The following PIK3R6 variants were observed in gnomAD, a reference collection of about 807,000 sequenced individuals.
PIK3R6 encodes phosphoinositide-3-kinase regulatory subunit 6, also known as phosphoinositide 3-kinase regulatory subunit 6.
A neutral mutation model predicts 84.9 loss-of-function variants in PIK3R6; 91 were observed. The ratio of observed to expected loss-of-function variants is 1.07; its 90% CI spans 0.90 to 1.28. The LOEUF is 1.28. Ranked by LOEUF, PIK3R6 falls within the 50% of genes most tolerant of loss-of-function variation. PIK3R6 has a pLI of 0.00. For synonymous variants in PIK3R6, 416 were observed against 411.4 expected, an observed-to-expected ratio of 1.01 and a Z score of -0.13; for missense variants, 996 against 985.1, an observed-to-expected ratio of 1.01 and a Z score of -0.15.
At position 8,822,613 on chromosome 17, in the gene PIK3R6, C is replaced by A. The variant is rs774403746; in HGVS notation, c.1762G>T (p.Ala588Ser). 2.5e-6 allele frequency: 4 copies of A among 1,613,918 alleles called. No individual in the cohort carries two copies. The highest frequency in any genetic ancestry group is 2.2e-5 in the East Asian group (1 of 44,898). Reference protein sequence around the residue: ...RRRGVAEGPGAELSLCYQKAL... With the variant: ...RRRGVAEGPGSELSLCYQKAL... Reference sequence around the variant, plus strand: ...TTCTGGTAGCATAGGGAGAGCTCTGCCCCTGGGCCCTCAGCCACGCCTCTC... The same window carrying A: ...TTCTGGTAGCATAGGGAGAGCTCTGACCCTGGGCCCTCAGCCACGCCTCTC... The change falls in exon 16 of 20, where the codon GCA becomes TCA. Residue 588 changes from alanine to serine, a missense_variant. Physicochemically the swap from Ala to Ser is moderately conservative, Grantham distance 99. Transcript: ENST00000619866.
At chr17:8,823,813 C>T (rs1038622086) in intron 13 of PIK3R6, among the ~76,000 whole-genome samples, 1 of 152,138 alleles carries the variant, frequency 6.6e-6, no homozygotes, top group Non-Finnish European at 1.5e-5. Flanking sequence ...ATGAGAGACC[C>T]AGGAGTGGGT....
chr17:8,848,752 C>G (rs894622758), intron 2 of PIK3R6, among the ~76,000 whole-genome samples: 1 of 152,166 alleles, frequency 6.6e-6, no homozygotes, highest in Non-Finnish European at 1.5e-5. Context: ...TACAGATGAC[C>G]CAGAATATTG....
chr17:8,813,173 C>T (rs184660390), intron 18 of PIK3R6, among the ~76,000 whole-genome samples: 272 of 152,062 alleles, frequency 1.8e-3, no homozygotes, highest in African/African-American at 6.2e-3. Context: ...TATCTAGGAA[C>T]ATACAACTTC....
chr17:8,812,894 G>A (rs1172437850), intron 18 of PIK3R6, among the ~76,000 whole-genome samples: 2 of 151,904 alleles, frequency 1.3e-5, no homozygotes, highest in Non-Finnish European at 2.9e-5. Context: ...AAATAACAAA[G>A]ATCAGAGCAG....
At chr17:8,850,432 A>C in intron 1 of PIK3R6, among the ~76,000 whole-genome samples, 1 of 152,204 alleles carries the variant, frequency 6.6e-6, no homozygotes. Context: ...GGCAGGTTCT[A>C]TCTCTCCCCC....
Position 8,837,883 on chromosome 17 carries a change from G to C in PIK3R6, c.190-12C>G. The C allele has an allele frequency of 6.2e-7, 1 of 1,611,180 alleles. No homozygotes were observed. Among genetic ancestry groups the C allele is most frequent in the South Asian group, 1.1e-5 (1 of 91,038 alleles). On this transcript the variant is annotated splice_polypyrimidine_tract_variant and intron_variant, in intron 4 of 19. Coordinates refer to ENST00000619866, the MANE Select transcript of PIK3R6 (RefSeq NM_001010855.4). ...TCCTGGCTTTCCGCCTGGAAAACAG[G>C]AGATCACGTGACAGGTATTGGGCTG... is the stretch of plus-strand genomic sequence containing the variant.
At chr17:8,829,407 CACACAG>C (rs1397537675) in intron 10 of PIK3R6, among the ~76,000 whole-genome samples, 3 of 143,102 alleles carry the variant, frequency 2.1e-5, no homozygotes, top group Non-Finnish European at 4.5e-5. Context: ...TGCACACATA[CACACAG>C]ACACACTGAC....
At chr17:8,833,541 CTTTTT>C (rs3884448) in intron 8 of PIK3R6, among the ~76,000 whole-genome samples, 1 of 130,796 alleles carries the variant, frequency 7.6e-6, no homozygotes, top group Non-Finnish European at 1.6e-5. Context: ...GAGAAAGTGA[CTTTTT>C]TTTTTTTTTT....
At chr17:8,822,044 G>C in intron 16 of PIK3R6, 108 bp from the exon 17 acceptor site, 1 of 712,520 alleles carries the variant, frequency 1.4e-6, no homozygotes. Flanking sequence ...CACCCCTGCT[G>C]TGAGAGTCTT....
At chr17:8,838,691 G>A (rs748166906) in intron 3 of PIK3R6, 36 bp from the exon 4 acceptor site, 8 of 1,550,954 alleles carry the variant, frequency 5.2e-6, no homozygotes, top group Non-Finnish European at 5.2e-6. Flanking sequence ...GCATGAGCAG[G>A]TGGGCAGTTC....
rs1465453497 is a variant in PIK3R6 at position 8,844,941 on chromosome 17, A to G, written c.13+4841T>C. On this transcript the variant is annotated intron_variant, in intron 2 of 19. Transcript: ENST00000619866. This position sits in a 1 kb window ranked among gnomAD's most constrained non-coding sequence, Gnocchi z 4.5. The stretch of plus-strand genomic sequence containing the variant: ...ATGCAGTATTTGGCTTTCTGTTCCT[A>G]CATTAATTTGCTTAGTGTAATAGCT... 6.6e-6 allele frequency among the ~76,000 whole-genome samples: 1 copy of G among 152,074 alleles called. No individual in the cohort carries two copies. The highest frequency in any genetic ancestry group is 1.9e-4 in the East Asian group (1 of 5,184).
intron 17 of PIK3R6, among the ~76,000 whole-genome samples, chr17:8,820,298 G>A (rs1423652358): frequency 2.0e-5 from 3 of 151,968 alleles, no homozygotes; most frequent in Non-Finnish European, 4.4e-5. Context: ...CTAGAGTAGG[G>A]CTGGGAGTGG....
chr17:8,812,075 A>G (rs1298551110), intron 18 of PIK3R6, among the ~76,000 whole-genome samples: 2 of 152,256 alleles, frequency 1.3e-5, no homozygotes, highest in South Asian at 2.1e-4. Flanking sequence ...AGCAAGTCAC[A>G]TCTTAGATGG....
At chr17:8,805,871 T>C (rs1038170601) in intron 18 of PIK3R6, among the ~76,000 whole-genome samples, 1 of 151,206 alleles carries the variant, frequency 6.6e-6, no homozygotes, top group Non-Finnish European at 1.5e-5. Flanking sequence ...TGAGCTGAGA[T>C]TGCACCACTG....
At chr17:8,840,693 A>T (rs889886073) in intron 2 of PIK3R6, among the ~76,000 whole-genome samples, 11 of 148,602 alleles carry the variant, frequency 7.4e-5, no homozygotes, top group South Asian at 4.2e-4. Flanking sequence ...TATATATATA[A>T]AAAACTATTA....
intron 18 of PIK3R6, among the ~76,000 whole-genome samples, chr17:8,816,525 T>G (rs1345695256): frequency 6.6e-6 from 1 of 152,202 alleles, no homozygotes; most frequent in Admixed American, 6.5e-5. Flanking sequence ...AAGGCTATTT[T>G]AGGTTAAAAA....
chr17:8,859,790 C>T (rs2151316214), intron 1 of PIK3R6, among the ~76,000 whole-genome samples: 1 of 152,292 alleles, frequency 6.6e-6, no homozygotes, highest in East Asian at 1.9e-4. Flanking sequence ...CCTTTGGACT[C>T]AGACTGGAAT....
rs527371888 is a variant in PIK3R6 at position 8,823,615 on chromosome 17, G to A, written c.1516-118C>T. On this transcript the variant is annotated intron_variant, in intron 13 of 19. Coordinates refer to ENST00000619866, the MANE Select transcript of PIK3R6 (RefSeq NM_001010855.4). ...TCTCTGGGATGCACTAACCCAGTGCGTCCTTCAACACATTCCAAACCTTTC... is the reference window on the plus strand; with the variant it reads ...TCTCTGGGATGCACTAACCCAGTGCATCCTTCAACACATTCCAAACCTTTC... 8.9e-4 allele frequency: 600 copies of A among 676,016 alleles called. 7 individuals are homozygous for A. The South Asian group carries it at 9.9e-3, about 11-fold the overall frequency. The allele number at this position is 676,016 out of a possible 1,614,324, so 41.9% of individuals were successfully genotyped here.
rs2088815140 is a variant in PIK3R6, at chr17:8,846,360, T to C, written c.13+3422A>G. On this transcript the variant is annotated intron_variant, in intron 2 of 19. Transcript: ENST00000619866. Reference sequence around the variant, plus strand: ...TAGTACCATGCTGTTTTTGTTACTGTAGCCTTGTAGTAGAGTCTGAAGTTA... The same window carrying C: ...TAGTACCATGCTGTTTTTGTTACTGCAGCCTTGTAGTAGAGTCTGAAGTTA... Among the ~76,000 whole-genome samples, 5 of 152,344 alleles carry C rather than the reference T, an allele frequency of 3.3e-5. No individual in the cohort carries two copies. The South Asian group carries it at 1.0e-3, about 32-fold the overall frequency.
Sources: allele counts gnomAD v4.1 joint callset (sites outside exome capture counted in the v4.1 genomes callset), GRCh38; gene constraint gnomAD v4.1.1; non-coding constraint Gnocchi (gnomAD v3.1); transcripts MANE v1.5; gene names NCBI Gene and HGNC (gene_info 2026-07-23, HGNC 2026-07-21).